ABHD12: variants seen among roughly 807,000 people sequenced by gnomAD.
ABHD12 encodes the protein abhydrolase domain containing 12, lysophospholipase.
ABHD12 carries 43 observed loss-of-function variants against 58.3 expected under a neutral mutation model. That is an observed-to-expected ratio of 0.74 (90% CI 0.58 to 0.95). The LOEUF is 0.95. ABHD12 is among the 40% of genes least tolerant of loss of function. The pLI is 0.00. For missense variants in ABHD12, 539 were observed against 537.2 expected, an observed-to-expected ratio of 1.00 and a Z score of -0.03; for synonymous variants, 219 against 211.2, an observed-to-expected ratio of 1.04 and a Z score of -0.32.
intron 10 of ABHD12, among the ~76,000 whole-genome samples, chr20:25,306,016 A>C (rs1462685549): frequency 2.0e-5 from 3 of 151,928 alleles, no homozygotes; most frequent in Admixed American, 6.6e-5. Flanking sequence ...AATACAAAAA[A>C]ATTAGTGGGG....
At chr20:25,389,857 C>G (rs1160900338) in intron 1 of ABHD12, 1 of 152,286 alleles carries the variant, frequency 6.6e-6, no homozygotes, top group Non-Finnish European at 1.5e-5. Context: ...CCTAGCACCC[C>G]GCCGCCCACT....
chr20:25,363,438 G>A (rs555829091), intron 1 of ABHD12, among the ~76,000 whole-genome samples: 16 of 151,328 alleles, frequency 1.1e-4, no homozygotes, highest in African/African-American at 3.4e-4. Context: ...AGGATGGTGT[G>A]CATCTCCTGA....
At chr20:25,296,283 A>C, downstream of ABHD12, 1 of 1,524,430 alleles carries the variant, frequency 6.6e-7, no homozygotes, top group Non-Finnish European at 9.1e-7. Context: ...GCTCATTTGG[A>C]AACAGTCCTA....
At chr20:25,388,691 A>G (rs1359698907) in intron 1 of ABHD12, among the ~76,000 whole-genome samples, 1 of 152,226 alleles carries the variant, frequency 6.6e-6, no homozygotes, top group Admixed American at 6.5e-5. Context: ...CACGAAAATA[A>G]AAATTAATCG....
At chr20:25,295,600 C>G, downstream of ABHD12, 1 of 1,613,626 alleles carries the variant, frequency 6.2e-7, no homozygotes, top group Non-Finnish European at 8.5e-7. Flanking sequence ...TTCTCCCATT[C>G]CAGGTTCAAG....
chr20:25,341,564 G>A (rs1196778392), intron 1 of ABHD12, among the ~76,000 whole-genome samples: 1 of 152,118 alleles, frequency 6.6e-6, no homozygotes. Flanking sequence ...CTTAATGCTT[G>A]GTGGGGATGA....
At chr20:25,328,557 A>T (rs11697524) in intron 2 of ABHD12, among the ~76,000 whole-genome samples, 2,637 of 152,328 alleles carry the variant, frequency 0.017, 29 homozygotes, top group South Asian at 0.058. Context: ...GTGTCTGCAG[A>T]AGAATGCCAA....
chr20:25,362,147 G>C (rs1691307823), intron 1 of ABHD12, among the ~76,000 whole-genome samples: 1 of 152,122 alleles, frequency 6.6e-6, no homozygotes, highest in Non-Finnish European at 1.5e-5. Context: ...GGGCGTGGTG[G>C]CACATGCCTG....
At chr20:25,361,199 G>A (rs1473397067) in intron 1 of ABHD12, among the ~76,000 whole-genome samples, 9 of 152,206 alleles carry the variant, frequency 5.9e-5, no homozygotes, top group Non-Finnish European at 1.3e-4. Context: ...ACTCACTCAG[G>A]CCCCTGCACT....
intron 1 of ABHD12, among the ~76,000 whole-genome samples, chr20:25,367,550 G>GTACCCA (rs1231003120): frequency 3.3e-5 from 5 of 152,094 alleles, no homozygotes; most frequent in African/African-American, 1.2e-4. Flanking sequence ...CTGAAACTCT[G>GTACCCA]TACCCATTAA....
At chr20:25,336,628 CGGCGACGCAGACA>C (rs1008308273) in intron 2 of ABHD12, among the ~76,000 whole-genome samples, 7 of 152,304 alleles carry the variant, frequency 4.6e-5, no homozygotes, top group African/African-American at 9.6e-5. Flanking sequence ...CCCACCTCCT[CGGCGACGCAGACA>C]GGCACAGACC....
At chr20:25,343,079 GCCA>G (rs570718229) in intron 1 of ABHD12, among the ~76,000 whole-genome samples, 86 of 152,318 alleles carry the variant, frequency 5.6e-4, no homozygotes, top group African/African-American at 2.0e-3. Context: ...ACAGGCATGA[GCCA>G]CCACACCTGG....
downstream of ABHD12, among the ~76,000 whole-genome samples, chr20:25,299,929 T>C (rs941045206): frequency 2.0e-5 from 3 of 152,142 alleles, no homozygotes; most frequent in Non-Finnish European, 2.9e-5. Flanking sequence ...AGAACCGCTA[T>C]AGGTAGCTCA....
chr20:25,366,536 G>T (rs1651800855), intron 1 of ABHD12, among the ~76,000 whole-genome samples: 1 of 152,154 alleles, frequency 6.6e-6, no homozygotes, highest in African/African-American at 2.4e-5. Context: ...AAAGTGCTGG[G>T]ATTACAGGCA....
intron 11 of ABHD12, chr20:25,303,214 T>TC: frequency 8.3e-7 from 1 of 1,208,704 alleles, no homozygotes; most frequent in Non-Finnish European, 1.0e-6. Flanking sequence ...CCAGCTGAGT[T>TC]CCCAGGTTGG....
intron 2 of ABHD12, among the ~76,000 whole-genome samples, chr20:25,332,389 C>T (rs1449910290): frequency 6.6e-6 from 1 of 152,044 alleles, no homozygotes; most frequent in Non-Finnish European, 1.5e-5. Flanking sequence ...CAACATTAGA[C>T]AGATCAACGA....
At chr20:25,347,346 T>C (rs1051993581) in intron 1 of ABHD12, among the ~76,000 whole-genome samples, 3 of 152,178 alleles carry the variant, frequency 2.0e-5, no homozygotes, top group Non-Finnish European at 2.9e-5. Context: ...CTGCAACCAT[T>C]ATCTGTCTTT....
At chr20:25,362,277 C>CA (rs1462860672) in intron 1 of ABHD12, among the ~76,000 whole-genome samples, 1 of 150,206 alleles carries the variant, frequency 6.7e-6, no homozygotes, top group Non-Finnish European at 1.5e-5. Flanking sequence ...AAGACTCTGT[C>CA]AAAAAAGAAA....
intron 2 of ABHD12, chr20:25,338,989 G>A (rs554547606): frequency 4.5e-5 from 58 of 1,283,644 alleles, no homozygotes; most frequent in Middle Eastern, 3.2e-4. Context: ...CTCCAGCTGG[G>A]AAGGGGCACA....
Sources: gnomAD v4.1 joint callset for allele counts (sites outside exome capture counted in the v4.1 genomes callset) on GRCh38, gnomAD v4.1.1 for gene constraint, MANE v1.5 for transcripts, NCBI Gene and HGNC (gene_info 2026-07-23, HGNC 2026-07-21) for gene names.